Variants in BCAS3 observed in about 807,000 individuals in gnomAD.
The protein encoded by BCAS3 is BCAS4/BCAS3 fusion.
BCAS3 carries 53 observed loss-of-function variants against 116.1 expected under a neutral mutation model. The ratio of observed to expected loss-of-function variants is 0.46; its 90% confidence interval spans 0.37 to 0.57. The LOEUF (loss-of-function observed/expected upper bound fraction) is 0.57, where lower values mean the gene tolerates loss of function less well. Ranked by LOEUF, BCAS3 falls within the 20% of genes least tolerant of loss-of-function variation. The pLI is 0.00. For missense variants in BCAS3, 917 were observed against 1,165.4 expected (o/e 0.79, Z 3.10); for synonymous variants, 391 against 408.2 (o/e 0.96, Z 0.51).
intron 14 of BCAS3, among the ~76,000 whole-genome samples, chr17:60,980,001 C>T (rs933195622): frequency 6.6e-6 from 1 of 152,056 alleles, no homozygotes; most frequent in African/African-American, 2.4e-5. Context: ...CAGGATGATG[C>T]TGGCCTCATA....
chr17:61,347,929 A>G lies in BCAS3; in HGVS notation c.2426-20398A>G, dbSNP rs1400962267. 6.6e-6 allele frequency among the ~76,000 whole-genome samples: 1 copy of G among 152,244 alleles called. No homozygotes were observed. Among genetic ancestry groups the G allele is most frequent in the Non-Finnish European group, 1.5e-5 (1 of 68,040 alleles). ...AGAGTCTGGAAAGCTGCTAGAGGCC[A>G]GATGATAGACAGTTGTGCTAAGAAG... is the stretch of plus-strand genomic sequence containing the variant. On this transcript the variant is annotated intron_variant, in intron 22 of 23. Coordinates refer to ENST00000407086, the MANE Select transcript of BCAS3 (RefSeq NM_017679.5). The surrounding 1 kb of genome is among the most constrained non-coding windows in gnomAD (Gnocchi z 4.3).
intron 22 of BCAS3, among the ~76,000 whole-genome samples, chr17:61,212,055 T>C: frequency 6.6e-6 from 1 of 152,228 alleles, no homozygotes; most frequent in South Asian, 2.1e-4. Flanking sequence ...CAGCTAATGT[T>C]AGAAAGAACT....
At chr17:61,287,235 C>G (rs1602426962) in intron 22 of BCAS3, among the ~76,000 whole-genome samples, 1 of 149,766 alleles carries the variant, frequency 6.7e-6, no homozygotes. Context: ...GCAACAGAGC[C>G]AGACTCTTAA....
chr17:61,322,820 GAGAGAGAGAC>G (rs2055366978), intron 22 of BCAS3, among the ~76,000 whole-genome samples: 5 of 130,524 alleles, frequency 3.8e-5, no homozygotes, highest in Middle Eastern at 4.2e-3. Context: ...GAGAGAGAGA[GAGAGAGAGAC>G]AGAGAGAGAG....
At chr17:60,848,431 C>T (rs2052720232) in intron 7 of BCAS3, among the ~76,000 whole-genome samples, 1 of 152,116 alleles carries the variant, frequency 6.6e-6, no homozygotes, top group Non-Finnish European at 1.5e-5. Flanking sequence ...CGTGTTGATC[C>T]TGCAACTTTG....
At position 61,034,856 on chromosome 17, in the gene BCAS3, G is replaced by A; in HGVS notation, c.1762+66G>A. 6.8e-7 allele frequency: 1 copy of A among 1,480,630 alleles called. No homozygotes were observed. Among genetic ancestry groups the A allele is most frequent in the Non-Finnish European group, 9.2e-7 (1 of 1,091,300 alleles). 91.7% of individuals were successfully genotyped at this position (1,480,630 alleles called of 1,614,324 possible). ...TTTTGCTTCTTAAGGAAAATTTTTA[G>A]CAGTTTCCCTAGAATAATCTTGTAC... On this transcript the variant is annotated intron_variant, in intron 17 of 23. Transcript: ENST00000407086. This position sits in a 1 kb window ranked among gnomAD's most constrained non-coding sequence, Gnocchi z 5.0.
intron 6 of BCAS3, among the ~76,000 whole-genome samples, chr17:60,791,750 C>T (rs1356443262): frequency 3.3e-5 from 5 of 152,162 alleles, no homozygotes; most frequent in African/African-American, 7.2e-5. Flanking sequence ...TTCCTAAACC[C>T]GTAAGAGTTA....
chr17:61,291,526 T>G (rs936139641), intron 22 of BCAS3, among the ~76,000 whole-genome samples: 3 of 152,182 alleles, frequency 2.0e-5, no homozygotes, highest in Non-Finnish European at 4.4e-5. Flanking sequence ...ACCTTTAAAA[T>G]GTGGTTCATA....
intron 22 of BCAS3, chr17:61,086,623 C>G (rs2073114697): frequency 1.1e-6 from 1 of 935,114 alleles, no homozygotes; most frequent in Non-Finnish European, 1.3e-6. Context: ...GGCATTGACC[C>G]TCTCTGCCTG....
intron 6 of BCAS3, among the ~76,000 whole-genome samples, chr17:60,770,257 G>A (rs1022507065): frequency 1.1e-4 from 17 of 151,988 alleles, no homozygotes; most frequent in African/African-American, 3.9e-4. Flanking sequence ...ACTGTGGTGG[G>A]CACGTGGAGC....
At position 61,316,953 on chromosome 17, in the gene BCAS3, A is replaced by G. The variant is rs182442016; in HGVS notation, c.2426-51374A>G. Among the ~76,000 whole-genome samples the G allele has an allele frequency of 1.1e-3, 166 of 152,324 alleles. No individual in the cohort carries two copies. Among genetic ancestry groups the G allele is most frequent in the Non-Finnish European group, 1.3e-3 (90 of 68,032 alleles). The stretch of plus-strand genomic sequence containing the variant: ...CCAGCCCTTCTGTAAAATGGCTACT[A>G]TATGATCCAGAATTCCCTCTCACCT... On this transcript the variant is annotated intron_variant, in intron 22 of 23. Transcript: ENST00000407086. This position sits in a 1 kb window ranked among gnomAD's most constrained non-coding sequence, Gnocchi z 5.8.
At chr17:60,813,885 C>A (rs2049075606) in intron 7 of BCAS3, among the ~76,000 whole-genome samples, 1 of 151,996 alleles carries the variant, frequency 6.6e-6, no homozygotes. Context: ...CCATTGGTCT[C>A]TGTATCTGTT....
intron 6 of BCAS3, among the ~76,000 whole-genome samples, chr17:60,804,680 T>A (rs1049799454): frequency 3.3e-5 from 5 of 152,196 alleles, no homozygotes; most frequent in Non-Finnish European, 5.9e-5. Context: ...TTATAAACAA[T>A]ACTGTTGTGA....
chr17:61,388,876 A>C lies in BCAS3; in HGVS notation c.2594-3101A>C, dbSNP rs577984570. 1.8e-5 allele frequency: 12 copies of C among 653,870 alleles called. No individual in the cohort carries two copies. The East Asian group carries it at 3.4e-4, about 18-fold the overall frequency. The allele number at this position is 653,870 out of a possible 1,614,324, so 40.5% of individuals were successfully genotyped here. A position where few individuals can be genotyped will look rare whatever the true frequency, so the allele number is the denominator to read the frequency against. On this transcript the variant is annotated intron_variant, in intron 23 of 23. Coordinates refer to ENST00000407086, the MANE Select transcript of BCAS3 (RefSeq NM_017679.5). The surrounding 1 kb of genome is among the most constrained non-coding windows in gnomAD (Gnocchi z 6.5). ...AGAGGAGGCGTGGAGAAAAGCGCCC[A>C]CAAAGCTGCCCCGGGGCCAGCAGGC...
chr17:60,923,616 G>A (rs1442208589), intron 12 of BCAS3, among the ~76,000 whole-genome samples: 1 of 152,122 alleles, frequency 6.6e-6, no homozygotes, highest in Non-Finnish European at 1.5e-5. Flanking sequence ...AAATTTCTCT[G>A]TGTCTAAATA....
intron 22 of BCAS3, among the ~76,000 whole-genome samples, chr17:61,335,903 T>C (rs533971878): frequency 5.2e-4 from 79 of 152,314 alleles, no homozygotes; most frequent in Middle Eastern, 3.4e-3. Flanking sequence ...CCTGAGAGGG[T>C]ACCGCCCAGC....
chr17:60,931,831 G>T (rs2059661237), intron 13 of BCAS3, among the ~76,000 whole-genome samples: 1 of 152,090 alleles, frequency 6.6e-6, no homozygotes, highest in African/African-American at 2.4e-5. Context: ...TCAATACTTT[G>T]GGAGGCCAAG....
intron 22 of BCAS3, among the ~76,000 whole-genome samples, chr17:61,312,340 T>G (rs1445400946): frequency 6.6e-6 from 1 of 152,142 alleles, no homozygotes; most frequent in Non-Finnish European, 1.5e-5. Flanking sequence ...AGATGCCAGT[T>G]CTCCCGAAAG....
chr17:60,966,640 A>G (rs2145328929), intron 14 of BCAS3, among the ~76,000 whole-genome samples: 1 of 150,244 alleles, frequency 6.7e-6, no homozygotes, highest in South Asian at 2.1e-4. Context: ...AAAAAAATTT[A>G]TACTTTTACT....
Sources: allele counts gnomAD v4.1 joint callset (sites outside exome capture counted in the v4.1 genomes callset), GRCh38; gene constraint gnomAD v4.1.1; non-coding constraint Gnocchi (gnomAD v3.1); transcripts MANE v1.5; gene names NCBI Gene and HGNC (gene_info 2026-07-23, HGNC 2026-07-21).